Variants in LGI2 observed in about 807,000 individuals in gnomAD.
LGI2 encodes the protein leucine-rich repeat LGI family member 2.
Under a neutral mutation model 52.0 loss-of-function variants are expected in LGI2, and 30 were observed. The observed-to-expected ratio is 0.58, with a 90% CI of 0.43 to 0.78. The LOEUF is 0.78. Among genes scored for constraint, LGI2 ranks in the 30% least tolerant of loss-of-function variants. LGI2 has a pLI of 0.00. For missense variants in LGI2, 573 were observed against 692.5 expected, an observed-to-expected ratio of 0.83 and a Z score of 1.94; for synonymous variants, 270 against 271.8, an observed-to-expected ratio of 0.99 and a Z score of 0.06.
At chr4:25,024,917 A>T (rs1264082248) in intron 3 of LGI2, 26 bp from the exon 4 acceptor site, 16 of 1,520,488 alleles carry the variant, frequency 1.1e-5, no homozygotes, top group African/African-American at 1.4e-5. Flanking sequence ...GTATAATTAA[A>T]ATGAATTTTC....
chr4:25,004,108 A>C lies in LGI2; in HGVS notation c.981T>G (p.Asn327Lys). The C allele has an allele frequency of 6.2e-7, 1 of 1,614,194 alleles. No individual in the cohort carries two copies. The highest frequency in any genetic ancestry group is 8.5e-7 in the Non-Finnish European group (1 of 1,180,036). Residue 327 changes from asparagine to lysine, a missense_variant, in exon 8 of 8, where the codon AAT (asparagine) becomes AAG (lysine). By Grantham distance (94) the Asn-to-Lys change is moderately conservative. Transcript: ENST00000382114. The surrounding 1 kb of genome is among the most constrained non-coding windows in gnomAD (Gnocchi z 4.6). ...DIEVSRISKP[N>K]DIELFQIDDE... ...CGTCGATCTGAAACAGCTCGATGTC[A>C]TTGGGCTTGGAAATGCGAGAGACCT...
intron 4 of LGI2, among the ~76,000 whole-genome samples, chr4:25,021,496 C>G (rs184705094): frequency 1.7e-3 from 255 of 152,282 alleles, no homozygotes; most frequent in Non-Finnish European, 2.3e-3. Flanking sequence ...TCCGTAAGCA[C>G]GGGGGTGAAC....
chr4:25,010,344 A>T (rs1454674307), intron 7 of LGI2, among the ~76,000 whole-genome samples: 1 of 152,206 alleles, frequency 6.6e-6, no homozygotes, highest in African/African-American at 2.4e-5. Flanking sequence ...CTGGGAGAGA[A>T]AACCAGTGGG....
At chr4:25,025,659 C>T (rs1448688469) in intron 3 of LGI2, among the ~76,000 whole-genome samples, 3 of 152,164 alleles carry the variant, frequency 2.0e-5, no homozygotes, top group African/African-American at 4.8e-5. Context: ...ATTTTAGTTA[C>T]AGCATTATAT....
At chr4:24,993,225 A>T in the LGI2 span, among the ~76,000 whole-genome samples, 1 of 152,180 alleles carries the variant, frequency 6.6e-6, no homozygotes, top group South Asian at 2.1e-4. Context: ...TTCAGGTCTT[A>T]TTGGCTGTGC....
intron 1 of LGI2, among the ~76,000 whole-genome samples, chr4:25,030,109 C>T (rs960650035): frequency 4.6e-5 from 7 of 152,230 alleles, no homozygotes; most frequent in African/African-American, 1.7e-4. Context: ...CACACACACG[C>T]ACACGCCCTC....
chr4:25,018,174 A>C lies in LGI2; in HGVS notation c.486-16T>G. ...CCTCAAATCTCTAAAAATCAAAATA[A>C]AACACAAACACATACAAAGAGAAAT... On this transcript the variant is annotated splice_polypyrimidine_tract_variant and intron_variant, in intron 5 of 7. Transcript: ENST00000382114. 1 of 1,559,120 alleles carries C rather than the reference A, an allele frequency of 6.4e-7. No homozygotes were observed. The highest frequency in any genetic ancestry group is 8.7e-7 in the Non-Finnish European group (1 of 1,147,596).
chr4:25,009,288 G>A (rs1202322353), intron 7 of LGI2, among the ~76,000 whole-genome samples: 4 of 152,164 alleles, frequency 2.6e-5, no homozygotes, highest in Non-Finnish European at 5.9e-5. Context: ...CTTCAAACAG[G>A]AAAGATGCTC....
intron 4 of LGI2, among the ~76,000 whole-genome samples, chr4:25,024,192 G>A (rs1160089849): frequency 1.3e-5 from 2 of 152,176 alleles, no homozygotes; most frequent in Non-Finnish European, 2.9e-5. Flanking sequence ...CCCTGTGCCT[G>A]GTGCCAAGCA....
Position 25,003,783 on chromosome 4 carries a change from G to T in LGI2, c.1306C>A (p.Leu436Ile). The T allele has an allele frequency of 6.2e-7, 1 of 1,614,180 alleles. No homozygotes were observed. Among genetic ancestry groups the T allele is most frequent in the African/African-American group, 1.3e-5 (1 of 75,044 alleles). Residue 436 changes from leucine (L) to isoleucine (I), a missense_variant, in exon 8 of 8, where the codon CTT becomes ATT. Coordinates refer to ENST00000382114, the MANE Select transcript of LGI2 (RefSeq NM_018176.4). ...FRMQNTLYLS[L>I]TRFIGDSRVM... ...CGGGAGTCCCCGATGAAGCGGGTAAGGGAAAGGTAGAGGGTATTTTGCATT... is the reference window on the plus strand; with the variant it reads ...CGGGAGTCCCCGATGAAGCGGGTAATGGAAAGGTAGAGGGTATTTTGCATT...
chr4:25,030,647 A>T lies in LGI2; in HGVS notation c.47T>A (p.Leu16Gln). ...TATCAGGCACGCGGCGCCCAGCAGC[A>T]GCAGCAGCAGCCCGAGCGCTCCGCA... ...GGCGALGLLL[L>Q]LLGAACLIPR... Residue 16 changes from leucine (L) to glutamine (Q), a missense_variant, in exon 1 of 8, where the codon CTG (leucine) becomes CAG (glutamine). By Grantham distance (113) the Leu-to-Gln change is moderately radical (BLOSUM62 -2). Coordinates refer to ENST00000382114, the MANE Select transcript of LGI2 (RefSeq NM_018176.4). The T allele has an allele frequency of 1.9e-6, 3 of 1,539,848 alleles. No individual in the cohort carries two copies. The highest frequency in any genetic ancestry group is 2.6e-6 in the Non-Finnish European group (3 of 1,143,918).
chr4:25,014,218 A>C (rs1448756190), intron 6 of LGI2, among the ~76,000 whole-genome samples: 3 of 152,204 alleles, frequency 2.0e-5, no homozygotes, highest in African/African-American at 7.2e-5. Context: ...TCTCAGAAAC[A>C]TGAGCATTTG....
rs778841620 is a variant in LGI2, at chr4:25,024,809, A to G, written c.413+11T>C. The G allele has an allele frequency of 4.4e-6, 7 of 1,582,976 alleles. No individual in the cohort carries two copies. The highest frequency in any genetic ancestry group is 5.2e-6 in the Non-Finnish European group (6 of 1,163,912). ...TATTAGAGGACTTACAATACTTTTC[A>G]TAGGACTTACAGGTGAGTCAGGTCA... On this transcript the variant is annotated intron_variant, in intron 4 of 7. Transcript: ENST00000382114.
intron 2 of LGI2, 48 bp downstream of exon 2, chr4:25,028,459 T>C (rs1191055081): frequency 6.5e-7 from 1 of 1,547,286 alleles, no homozygotes; most frequent in East Asian, 2.2e-5. Context: ...CCTCCAAGGA[T>C]GGCACCTCAG....
Position 25,000,796 on chromosome 4 carries a change from T to A in LGI2, c.*2655A>T, listed in dbSNP as rs943437089. The A allele has an allele frequency of 1.3e-5, 2 of 152,272 alleles. No homozygotes were observed. Among genetic ancestry groups the A allele is most frequent in the African/African-American group, 4.8e-5 (2 of 41,480 alleles). The allele number at this position is 152,272 out of a possible 1,614,324, so 9.4% of individuals were successfully genotyped here. A position where few individuals can be genotyped will look rare whatever the true frequency, so the allele number is the denominator to read the frequency against. On this transcript the variant is annotated 3_prime_UTR_variant, in exon 8 of 8. Coordinates refer to ENST00000382114, the MANE Select transcript of LGI2 (RefSeq NM_018176.4). ...GTCCACATATTTCTCTGCTTTGCATTTTTGCTGTTGCTTGGTTGGTTTTTT... is the reference window on the plus strand; with the variant it reads ...GTCCACATATTTCTCTGCTTTGCATATTTGCTGTTGCTTGGTTGGTTTTTT...
At chr4:25,017,105 G>A (rs1456740912) in intron 6 of LGI2, among the ~76,000 whole-genome samples, 1 of 152,130 alleles carries the variant, frequency 6.6e-6, no homozygotes, top group Non-Finnish European at 1.5e-5. Context: ...ACAAAATCAA[G>A]CTTTCTTTAC....
At chr4:25,009,824 C>T (rs898729282) in intron 7 of LGI2, among the ~76,000 whole-genome samples, 2 of 151,790 alleles carry the variant, frequency 1.3e-5, no homozygotes, top group African/African-American at 2.4e-5. Flanking sequence ...TTAGTAGAGA[C>T]GGGGTTTCAT....
chr4:25,018,107 G>A lies in LGI2; in HGVS notation c.537C>T (p.Tyr179=), dbSNP rs750756091. Residue 179 remains tyrosine, a synonymous_variant, in exon 6 of 8, where the codon TAC becomes TAT. Coordinates refer to ENST00000382114, the MANE Select transcript of LGI2 (RefSeq NM_018176.4). ...TGGAATTTGTCATCTTCAACCACAGGTATAGCCACTTGGCTTTGCAGTCAC... is the reference window on the plus strand; with the variant it reads ...TGGAATTTGTCATCTTCAACCACAGATATAGCCACTTGGCTTTGCAGTCAC... ...FECDCKAKWL[Y]LWLKMTNSTV... The A allele has an allele frequency of 5.0e-6, 8 of 1,612,410 alleles. No individual in the cohort carries two copies. Among genetic ancestry groups the A allele is most frequent in the South Asian group, 4.4e-5 (4 of 90,642 alleles).
chr4:25,004,302 C>A lies in LGI2; in HGVS notation c.821-34G>T. On this transcript the variant is annotated intron_variant, in intron 7 of 7. Coordinates refer to ENST00000382114, the MANE Select transcript of LGI2 (RefSeq NM_018176.4). This position sits in a 1 kb window ranked among gnomAD's most constrained non-coding sequence, Gnocchi z 4.6. ...CAAAATAAAGGAGAGGACATTAGTG[C>A]AACTACAGCTAAAAACGCATCTCCG... 1.9e-6 allele frequency: 3 copies of A among 1,565,276 alleles called. No homozygotes were observed. The highest frequency in any genetic ancestry group is 1.7e-6 in the Non-Finnish European group (2 of 1,155,394).
Sources: allele counts gnomAD v4.1 joint callset (sites outside exome capture counted in the v4.1 genomes callset), GRCh38; gene constraint gnomAD v4.1.1; non-coding constraint Gnocchi (gnomAD v3.1); transcripts MANE v1.5; gene names NCBI Gene and HGNC (gene_info 2026-07-23, HGNC 2026-07-21).